The following VPS13A variants were observed in gnomAD, a reference collection of about 807,000 sequenced individuals.
The protein encoded by VPS13A is vacuolar protein sorting 13 homolog A.
A neutral mutation model predicts 390.9 loss-of-function variants in VPS13A; 264 were observed. That is an observed-to-expected ratio of 0.68 (90% confidence interval 0.61 to 0.75). VPS13A has a LOEUF of 0.75. Ranked by LOEUF, VPS13A falls within the 30% of genes least tolerant of loss-of-function variation. VPS13A has a pLI of 0.00. For synonymous variants in VPS13A, 1,231 were observed against 1,227.1 expected (o/e 1.00, Z -0.07); for missense variants, 3,409 against 3,733.9 (o/e 0.91, Z 2.27).
intron 26 of VPS13A, 73 bp downstream of exon 26, chr9:77,276,294 C>A: frequency 7.6e-7 from 1 of 1,324,400 alleles, no homozygotes; most frequent in South Asian, 1.5e-5. Context: ...GTTTTCAATT[C>A]TTTAGGCTCT....
Position 77,371,058 on chromosome 9 carries a change from A to G in VPS13A, c.8986A>G (p.Lys2996Glu). The change falls in exon 67 of 72, where the codon AAA becomes GAA. Residue 2996 changes from lysine to glutamate, a missense_variant. Physicochemically the swap from Lys to Glu is moderately conservative, Grantham distance 56. Around this residue, in one of 5 missense-constraint regions of VPS13A, gnomAD observed 318 missense variants for 333.7 expected, o/e 0.95. Coordinates refer to ENST00000360280, the MANE Select transcript of VPS13A (RefSeq NM_033305.3). ...AAAAGGAGGAGCAGCTGGTTTCTTTAAAGGTGTTGGGAAAGGTTTAGTAGG... is the reference window on the plus strand; with the variant it reads ...AAAAGGAGGAGCAGCTGGTTTCTTTGAAGGTGTTGGGAAAGGTTTAGTAGG... ...AQKGGAAGFF[K>E]GVGKGLVGAV... is the part of the protein sequence containing the mutation. 5 of 1,614,138 alleles carry G rather than the reference A, an allele frequency of 3.1e-6. No homozygotes were observed. Among genetic ancestry groups the G allele is most frequent in the Non-Finnish European group, 4.2e-6 (5 of 1,179,994 alleles).
chr9:77,315,966 A>G (rs1398435775), intron 38 of VPS13A, among the ~76,000 whole-genome samples: 1 of 151,958 alleles, frequency 6.6e-6, no homozygotes, highest in African/African-American at 2.4e-5. Flanking sequence ...AGGCTTTCCA[A>G]TTAAATAGTG....
Position 77,227,413 on chromosome 9 carries a change from T to C in VPS13A, c.1380T>C (p.Pro460=), listed in dbSNP as rs750046579. The change falls in exon 16 of 72, where the codon CCT becomes CCC. Residue 460 remains proline, a synonymous_variant. Coordinates refer to ENST00000360280, the MANE Select transcript of VPS13A (RefSeq NM_033305.3). ...TAGCTCTTGAAGAAATGTTGACACC[T>C]GAAGAAAAAGCTTTACTCTATGAAG... ...QPETLEEMLT[P]EEKALLYEAI... is the part of the protein sequence containing the mutation. 23 of 1,613,282 alleles carry C rather than the reference T, an allele frequency of 1.4e-5. No homozygotes were observed. The Admixed American group carries it at 3.8e-4, about 27-fold the overall frequency.
At chr9:77,239,445 G>T (rs1363668796) in intron 19 of VPS13A, among the ~76,000 whole-genome samples, 3 of 151,850 alleles carry the variant, frequency 2.0e-5, no homozygotes, top group African/African-American at 7.3e-5. Context: ...ACATGCAGGA[G>T]TAAATTATTT....
At chr9:77,220,773 T>A (rs1045874808) in intron 12 of VPS13A, among the ~76,000 whole-genome samples, 3 of 152,104 alleles carry the variant, frequency 2.0e-5, no homozygotes, top group African/African-American at 4.8e-5. Context: ...GCTAAAAATG[T>A]TACGGAGTCT....
At chr9:77,388,958 G>A (rs1587707350) in intron 68 of VPS13A, among the ~76,000 whole-genome samples, 1 of 152,198 alleles carries the variant, frequency 6.6e-6, no homozygotes, top group East Asian at 1.9e-4. Flanking sequence ...TTGATTCTCA[G>A]TTGACAACTT....
chr9:77,324,359 T>G (rs1829896207), intron 45 of VPS13A, among the ~76,000 whole-genome samples: 3 of 152,212 alleles, frequency 2.0e-5, no homozygotes. Context: ...TGTCCATTCT[T>G]TCACCTTTAA....
intron 23 of VPS13A, among the ~76,000 whole-genome samples, chr9:77,269,704 T>C (rs1172126672): frequency 6.6e-6 from 1 of 152,226 alleles, no homozygotes; most frequent in Non-Finnish European, 1.5e-5. Context: ...TGGTTATTTG[T>C]AGCTTAAGCA....
At chr9:77,270,374 A>C (rs925508442) in intron 23 of VPS13A, among the ~76,000 whole-genome samples, 2 of 152,228 alleles carry the variant, frequency 1.3e-5, no homozygotes, top group Non-Finnish European at 2.9e-5. Context: ...TCTTGGTTAA[A>C]TTATGTTCTA....
intron 45 of VPS13A, among the ~76,000 whole-genome samples, chr9:77,323,714 C>T (rs923013730): frequency 2.6e-5 from 4 of 152,144 alleles, no homozygotes; most frequent in African/African-American, 4.8e-5. Flanking sequence ...TCCCCACTTT[C>T]CCATTCCCAG....
intron 40 of VPS13A, among the ~76,000 whole-genome samples, 162 bp downstream of exon 40, chr9:77,317,860 C>A (rs1164637835): frequency 6.6e-6 from 1 of 151,778 alleles, no homozygotes; most frequent in Non-Finnish European, 1.5e-5. Flanking sequence ...TTATTTAATA[C>A]ACATTTTATG....
chr9:77,349,285 A>G (rs1831327314), intron 52 of VPS13A, among the ~76,000 whole-genome samples: 1 of 152,076 alleles, frequency 6.6e-6, no homozygotes, highest in Admixed American at 6.6e-5. Flanking sequence ...ATTTGCTTCA[A>G]AGCACAATTT....
In VPS13A at chr9:77,315,278, GA is replaced by G; in HGVS notation, c.4439del (p.Asp1480AlafsTer5). 1 of 1,613,840 alleles carries G rather than the reference GA, an allele frequency of 6.2e-7. No homozygotes were observed. Among genetic ancestry groups the G allele is most frequent in the Non-Finnish European group, 8.5e-7 (1 of 1,179,774 alleles). Reference protein sequence around the residue: ...PRMIGLTVGFDKKDMMDIKYR... With the variant: ...PRMIGLTVGFXKKDMMDIKYR... ...AATGATAGGACTGACAGTTGGTTTT[GA>G]CAAAAAAGACATGATGGATATAAAG... On this transcript the variant is annotated frameshift_variant, in exon 38 of 72. Coordinates refer to ENST00000360280, the MANE Select transcript of VPS13A (RefSeq NM_033305.3). LOFTEE classifies it high-confidence loss of function.
chr9:77,193,409 G>A (rs1243757333), intron 1 of VPS13A, among the ~76,000 whole-genome samples: 6 of 152,100 alleles, frequency 3.9e-5, no homozygotes, highest in Admixed American at 6.6e-5. Context: ...TGAGGCGGGC[G>A]GATCACTTGA....
At chr9:77,327,267 T>C (rs1378545483) in intron 45 of VPS13A, among the ~76,000 whole-genome samples, 1 of 152,158 alleles carries the variant, frequency 6.6e-6, no homozygotes, top group Non-Finnish European at 1.5e-5. Context: ...AAAACAGATA[T>C]CCCTTCTCTT....
chr9:77,204,349 C>T (rs1310502163), intron 3 of VPS13A, among the ~76,000 whole-genome samples: 2 of 151,976 alleles, frequency 1.3e-5, no homozygotes, highest in Non-Finnish European at 2.9e-5. Flanking sequence ...TAAGAAACCC[C>T]ATACATAGTG....
rs200757505 is a variant in VPS13A, at chr9:77,318,218, A to G, written c.4957-17A>G. 677 of 1,492,468 alleles carry G rather than the reference A, an allele frequency of 4.5e-4. 1 individual carries two copies. Among genetic ancestry groups the G allele is most frequent in the Non-Finnish European group, 5.7e-4 (615 of 1,082,852 alleles). 92.5% of individuals were successfully genotyped at this position (1,492,468 alleles called of 1,614,324 possible). A position where few individuals can be genotyped will look rare whatever the true frequency, so the allele number is the denominator to read the frequency against. On this transcript the variant is annotated splice_polypyrimidine_tract_variant and intron_variant, in intron 40 of 71. Coordinates refer to ENST00000360280, the MANE Select transcript of VPS13A (RefSeq NM_033305.3). ...TGAAAGTGTTTTGTATAGACTTATT[A>G]ATTTTTTTCCATTTAGGTTTCACCA... is the stretch of plus-strand genomic sequence containing the variant.
At chr9:77,246,823 G>T (rs1189794287) in intron 19 of VPS13A, among the ~76,000 whole-genome samples, 1 of 152,090 alleles carries the variant, frequency 6.6e-6, no homozygotes, top group South Asian at 2.1e-4. Context: ...AAGATGATTT[G>T]ATAATCCAGG....
At chr9:77,297,909 A>G (rs1236683337) in intron 33 of VPS13A, among the ~76,000 whole-genome samples, 1 of 152,188 alleles carries the variant, frequency 6.6e-6, no homozygotes, top group African/African-American at 2.4e-5. Context: ...TATTGCAGTA[A>G]TTCACATAAG....
Sources: allele counts gnomAD v4.1 joint callset (sites outside exome capture counted in the v4.1 genomes callset), GRCh38; gene constraint gnomAD v4.1.1; regional missense constraint gnomAD v4.1.1; transcripts MANE v1.5; gene names NCBI Gene and HGNC (gene_info 2026-07-23, HGNC 2026-07-21).